CLECL1: variants seen among roughly 807,000 people sequenced by gnomAD.
CLECL1 encodes C-type lectin-like domain family 1.
intron 3 of CLECL1, among the ~76,000 whole-genome samples, chr12:9,726,542 A>C (rs947022977): frequency 2.0e-5 from 3 of 152,020 alleles, no homozygotes; most frequent in Admixed American, 2.0e-4. Context: ...GAAGGAAACA[A>C]AGAGAAATTA....
the CLECL1 span, among the ~76,000 whole-genome samples, chr12:9,707,552 T>A: frequency 6.6e-6 from 1 of 152,168 alleles, no homozygotes; most frequent in Non-Finnish European, 1.5e-5. Context: ...TGCCATGAGG[T>A]TGGAGCTCCC....
downstream of CLECL1, chr12:9,722,619 G>T (rs748220988): frequency 1.6e-5 from 26 of 1,593,598 alleles, no homozygotes; most frequent in Non-Finnish European, 2.2e-5. Flanking sequence ...GGGGGATGCT[G>T]TCACCTCTAA....
chr12:9,716,760 C>G, exon 3 of CLECL1: 3 of 1,277,812 alleles, frequency 2.3e-6, no homozygotes, highest in Non-Finnish European at 3.1e-6. Flanking sequence ...ATGCATATGT[C>G]AAAAAAGATT....
downstream of CLECL1, among the ~76,000 whole-genome samples, chr12:9,713,285 C>A (rs1241712281): frequency 6.6e-6 from 1 of 152,244 alleles, no homozygotes; most frequent in Non-Finnish European, 1.5e-5. Context: ...CTATCTCACT[C>A]AGTAAAACGT....
chr12:9,716,792 G>A (rs1719762252), intron 2 of CLECL1: 4 of 1,261,478 alleles, frequency 3.2e-6, no homozygotes, highest in Non-Finnish European at 4.1e-6. Flanking sequence ...TTTGAGAGGA[G>A]AAAGAAAATA....
At chr12:9,706,672 T>C in the CLECL1 span, among the ~76,000 whole-genome samples, 4 of 152,216 alleles carry the variant, frequency 2.6e-5, no homozygotes, top group African/African-American at 9.6e-5. Flanking sequence ...GGTTGGTGTA[T>C]GTTGAACCAA....
At chr12:9,702,971 A>T in the CLECL1 span, among the ~76,000 whole-genome samples, 3 of 152,352 alleles carry the variant, frequency 2.0e-5, no homozygotes, top group African/African-American at 4.8e-5. Flanking sequence ...ACAGAGGAAG[A>T]GAAGACTTGT....
chr12:9,708,192 G>A, the CLECL1 span, among the ~76,000 whole-genome samples: 1 of 152,176 alleles, frequency 6.6e-6, no homozygotes, highest in African/African-American at 2.4e-5. Context: ...GGTCTGAACT[G>A]GGGGAAGAAT....
At chr12:9,733,167 C>T (rs1479784912), upstream of CLECL1, 2 of 1,613,898 alleles carry the variant, frequency 1.2e-6, no homozygotes, top group Non-Finnish European at 1.7e-6. Context: ...GGTGGACTTC[C>T]TCCATGAATA....
chr12:9,719,343 G>T (rs1866280082), downstream of CLECL1, among the ~76,000 whole-genome samples: 2 of 152,128 alleles, frequency 1.3e-5, no homozygotes, highest in African/African-American at 2.4e-5. Context: ...TGGCTAACAT[G>T]GAGAAACCCC....
At chr12:9,722,370 T>G (rs1866323621), downstream of CLECL1, 4 of 394,056 alleles carry the variant, frequency 1.0e-5, no homozygotes, top group Non-Finnish European at 1.7e-5. Flanking sequence ...ATACTCAATT[T>G]CTTAAGTTTT....
chr12:9,716,049 C>G (rs923647213), exon 3 of CLECL1: 5 of 152,292 alleles, frequency 3.3e-5, no homozygotes, highest in Non-Finnish European at 5.9e-5. Context: ...ACTCATCCAT[C>G]ATGTGTTCTT....
At chr12:9,731,508 G>A (rs1292021689) in intron 1 of CLECL1, among the ~76,000 whole-genome samples, 1 of 152,206 alleles carries the variant, frequency 6.6e-6, no homozygotes, top group Non-Finnish European at 1.5e-5. Context: ...AGGAACAATT[G>A]TGTAGGACTC....
At chr12:9,718,680 T>G, downstream of CLECL1, 2 of 698,494 alleles carry the variant, frequency 2.9e-6, no homozygotes, top group Non-Finnish European at 5.2e-6. Context: ...AATCTGATAA[T>G]GTCCTTACAA....
chr12:9,714,997 G>A (rs756386207), downstream of CLECL1, among the ~76,000 whole-genome samples: 23 of 152,212 alleles, frequency 1.5e-4, no homozygotes, highest in African/African-American at 4.3e-4. Flanking sequence ...AATGTCTAAT[G>A]TTACATATTT....
At chr12:9,717,390 G>GCTAA (rs918527290) in intron 2 of CLECL1, among the ~76,000 whole-genome samples, 7 of 152,192 alleles carry the variant, frequency 4.6e-5, no homozygotes, top group Non-Finnish European at 1.0e-4. Flanking sequence ...TTCCCCCAGT[G>GCTAA]CTAACGTTTT....
downstream of CLECL1, among the ~76,000 whole-genome samples, chr12:9,711,003 G>T (rs768938221): frequency 9.9e-5 from 15 of 152,126 alleles, no homozygotes; most frequent in South Asian, 1.0e-3. Context: ...ATAAGGCAGG[G>T]GTCTAATTGA....
At chr12:9,707,834 A>G in the CLECL1 span, among the ~76,000 whole-genome samples, 6 of 152,180 alleles carry the variant, frequency 3.9e-5, no homozygotes, top group Non-Finnish European at 8.8e-5. Flanking sequence ...CAAAATGGCT[A>G]TCTCTTTCTT....
At chr12:9,709,393 C>T in the CLECL1 span, 1 of 152,428 alleles carries the variant, frequency 6.6e-6, no homozygotes, top group Non-Finnish European at 1.5e-5. Context: ...TCACTCCTGC[C>T]CCTCCAACAG....
Sources: gnomAD v4.1 joint callset for allele counts (sites outside exome capture counted in the v4.1 genomes callset) on GRCh38, gnomAD v4.1.1 for gene constraint, MANE v1.5 for transcripts, NCBI Gene and HGNC (gene_info 2026-07-23, HGNC 2026-07-21) for gene names.